Variants in CNDP1 observed in about 807,000 individuals in gnomAD.
CNDP1 encodes the protein beta-Ala-His dipeptidase.
A neutral mutation model predicts 58.1 loss-of-function variants in CNDP1; 44 were observed. The ratio of observed to expected loss-of-function variants is 0.76; its 90% confidence interval spans 0.60 to 0.97. The LOEUF is 0.97. CNDP1 is among the 50% of genes least tolerant of loss of function. The pLI, the probability that CNDP1 is intolerant of heterozygous loss-of-function variation, is 0.00. For missense variants in CNDP1, 616 were observed against 655.1 expected (o/e 0.94, Z 0.65); for synonymous variants, 254 against 252.6 (o/e 1.01, Z -0.05).
intron 11 of CNDP1, 32 bp downstream of exon 11, chr18:74,583,740 CTT>C (rs768179081): frequency 6.2e-7 from 1 of 1,609,154 alleles, no homozygotes; most frequent in Non-Finnish European, 8.5e-7. Context: ...GTGCCTCTCT[CTT>C]CTTCCTTTAC....
At chr18:74,556,256 C>T (rs1413556531) in intron 1 of CNDP1, 82 bp from the exon 2 acceptor site, 4 of 1,496,960 alleles carry the variant, frequency 2.7e-6, no homozygotes, top group African/African-American at 1.4e-5. Flanking sequence ...AGGTAACAGA[C>T]CTTCTTGAGG....
intron 6 of CNDP1, among the ~76,000 whole-genome samples, chr18:74,570,239 A>G (rs201929813): frequency 7.8e-4 from 57 of 72,918 alleles, no homozygotes; most frequent in African/African-American, 4.1e-3. Context: ...AATAATAAAT[A>G]ATTAAAAAAA....
At chr18:74,550,859 C>CA (rs1031109226) in intron 1 of CNDP1, among the ~76,000 whole-genome samples, 2 of 152,014 alleles carry the variant, frequency 1.3e-5, no homozygotes, top group Non-Finnish European at 2.9e-5. Flanking sequence ...TTCAGCCTCC[C>CA]AAAGTGCTGG....
intron 9 of CNDP1, among the ~76,000 whole-genome samples, chr18:74,578,928 A>G (rs1016433479): frequency 6.6e-6 from 1 of 152,184 alleles, no homozygotes; most frequent in Admixed American, 6.5e-5. Flanking sequence ...CCAACCAATC[A>G]TCAATTTGCC....
chr18:74,544,753 G>A (rs946909004), intron 1 of CNDP1, among the ~76,000 whole-genome samples: 1 of 143,932 alleles, frequency 6.9e-6, no homozygotes, highest in Non-Finnish European at 1.5e-5. Flanking sequence ...ATATTATATA[G>A]TGGTAAGAAA....
intron 1 of CNDP1, among the ~76,000 whole-genome samples, chr18:74,540,184 G>A (rs376041726): frequency 3.4e-5 from 5 of 146,664 alleles, no homozygotes; most frequent in African/African-American, 1.3e-4. Context: ...TTGAGACGGA[G>A]TCTGGCTCTG....
Position 74,534,550 on chromosome 18 carries a change from C to T in CNDP1, c.-118C>T, listed in dbSNP as rs926843047. The T allele has an allele frequency of 2.2e-5, 23 of 1,051,230 alleles. No homozygotes were observed. The highest frequency in any genetic ancestry group is 1.2e-4 in the South Asian group (9 of 73,902). 65.1% of individuals were successfully genotyped at this position (1,051,230 alleles called of 1,614,324 possible). A position where few individuals can be genotyped will look rare whatever the true frequency, so the allele number is the denominator to read the frequency against. ...GCCTCGTCTTCCTTCCGGGGGACAA[C>T]GTGGGTCAGGGCACAGAGAGATATT... On this transcript the variant is annotated 5_prime_UTR_variant, in exon 1 of 12. The change creates a new upstream start codon in the 5' untranslated region. Transcript: ENST00000358821.
In CNDP1 at chr18:74,580,221, C is replaced by A. The variant is rs1981755043; in HGVS notation, c.1259C>A (p.Ala420Glu). The change falls in exon 10 of 12, where the codon GCA (alanine) becomes GAA (glutamate). Residue 420 changes from alanine to glutamate, a missense_variant. Ala to Glu is a moderately radical substitution (Grantham distance 107). Transcript: ENST00000358821. ...ACTCTAGGACTACACCCGTGGATTG[C>A]AAATATTGATGACACCCAGTATCTC... ...SMTLGLHPWI[A>E]NIDDTQYLAA... The A allele has an allele frequency of 1.9e-6, 3 of 1,614,014 alleles. No homozygotes were observed. The highest frequency in any genetic ancestry group is 1.7e-6 in the Non-Finnish European group (2 of 1,179,988).
chr18:74,560,912 C>A lies in CNDP1; in HGVS notation c.360C>A (p.Ser120Arg). 1 of 1,614,098 alleles carries A rather than the reference C, an allele frequency of 6.2e-7. No individual in the cohort carries two copies. The change falls in exon 4 of 12, where the codon AGC (serine) becomes AGA (arginine). Residue 120 changes from serine (S) to arginine (R), a missense_variant. By Grantham distance (110) the Ser-to-Arg change is moderately radical. Coordinates refer to ENST00000358821, the MANE Select transcript of CNDP1 (RefSeq NM_032649.6). ...CCGTCATCCTGGCCGAACTGGGGAG[C>A]GATCCCACGAAAGGCACCGTGTGCT... ...IPPVILAELG[S>R]DPTKGTVCFY...
chr18:74,544,717 CAAAAA>C (rs10562152), intron 1 of CNDP1, among the ~76,000 whole-genome samples: 3 of 63,858 alleles, frequency 4.7e-5, no homozygotes, highest in Non-Finnish European at 5.6e-5. Flanking sequence ...GGTTCTGTCT[CAAAAA>C]AAAAAAAAAA....
intron 6 of CNDP1, among the ~76,000 whole-genome samples, chr18:74,569,459 G>A (rs553892166): frequency 6.6e-6 from 1 of 152,264 alleles, no homozygotes; most frequent in African/African-American, 2.4e-5. Flanking sequence ...CTGAGTTTTG[G>A]AAACTGGAAG....
chr18:74,547,081 G>A (rs1046089897), intron 1 of CNDP1, among the ~76,000 whole-genome samples: 1 of 152,204 alleles, frequency 6.6e-6, no homozygotes, highest in Non-Finnish European at 1.5e-5. Flanking sequence ...CAATCTGCAG[G>A]AGCCACGTTG....
intron 1 of CNDP1, among the ~76,000 whole-genome samples, chr18:74,547,120 C>T (rs1329148839): frequency 6.6e-6 from 1 of 152,242 alleles, no homozygotes; most frequent in Non-Finnish European, 1.5e-5. Flanking sequence ...AGGAAATCAA[C>T]AGAATCCAGA....
intron 7 of CNDP1, among the ~76,000 whole-genome samples, chr18:74,573,478 T>C (rs533019177): frequency 6.7e-6 from 1 of 149,552 alleles, no homozygotes; most frequent in Non-Finnish European, 1.5e-5. Context: ...CTATCTAATC[T>C]ATCTATTCTT....
intron 8 of CNDP1, 121 bp from the exon 9 acceptor site, chr18:74,578,042 G>T: frequency 3.4e-6 from 3 of 873,126 alleles, no homozygotes; most frequent in Non-Finnish European, 5.3e-6. Context: ...GCACAGCTGA[G>T]TAAGGTGACA....
At chr18:74,538,617 G>T (rs1980541237) in intron 1 of CNDP1, among the ~76,000 whole-genome samples, 1 of 152,170 alleles carries the variant, frequency 6.6e-6, no homozygotes, top group African/African-American at 2.4e-5. Flanking sequence ...CTGCCAGACT[G>T]CTTTCCATGC....
At chr18:74,567,175 G>A (rs1054634630) in intron 5 of CNDP1, 58 bp from the exon 6 acceptor site, 2 of 1,370,418 alleles carry the variant, frequency 1.5e-6, no homozygotes, top group Non-Finnish European at 2.1e-6. Flanking sequence ...ATTTGGTGGG[G>A]ACACAGCCAA....
At position 74,551,759 on chromosome 18, in the gene CNDP1, A is replaced by G. The variant is rs1372372564; in HGVS notation, c.25-4579A>G. On this transcript the variant is annotated intron_variant, in intron 1 of 11. Coordinates refer to ENST00000358821, the MANE Select transcript of CNDP1 (RefSeq NM_032649.6). ...TCCTAACAACAATCATTGTTTTCAT[A>G]TTTTTTTCCTGCAGCTTATTTCCTT... 3.3e-5 allele frequency among the ~76,000 whole-genome samples: 5 copies of G among 151,756 alleles called. No individual in the cohort carries two copies. In the East Asian group the frequency reaches 7.7e-4, roughly 23 times the overall value.
At chr18:74,551,896 T>C (rs1453371146) in intron 1 of CNDP1, among the ~76,000 whole-genome samples, 3 of 151,380 alleles carry the variant, frequency 2.0e-5, no homozygotes, top group African/African-American at 7.3e-5. Context: ...GATGGATCAA[T>C]TGGATCGATT....
Sources: allele counts gnomAD v4.1 joint callset (sites outside exome capture counted in the v4.1 genomes callset), GRCh38; gene constraint gnomAD v4.1.1; transcripts MANE v1.5; gene names NCBI Gene and HGNC (gene_info 2026-07-23, HGNC 2026-07-21).